Variants in LRRC74B observed in about 807,000 individuals in gnomAD.
The protein encoded by LRRC74B is leucine-rich repeat-containing protein 74B.
Under a neutral mutation model 16.6 loss-of-function variants are expected in LRRC74B, and 30 were observed. The observed-to-expected ratio is 1.80, with a 90% CI of 1.35 to 2.45. The LOEUF is 2.45. LRRC74B is among the 30% of genes most tolerant of loss of function. The pLI is 0.00. For synonymous variants in LRRC74B, 134 were observed against 86.0 expected, an observed-to-expected ratio of 1.56 and a Z score of -3.09; for missense variants, 326 against 202.4, an observed-to-expected ratio of 1.61 and a Z score of -3.71.
In LRRC74B at chr22:21,048,710, A is replaced by T. The variant is rs1171843696; in HGVS notation, c.416-241A>T. 5.5e-6 allele frequency: 3 copies of T among 545,296 alleles called. No homozygotes were observed. The Admixed American group carries it at 9.4e-5, about 17-fold the overall frequency. The allele number at this position is 545,296 out of a possible 1,614,324, so 33.8% of individuals were successfully genotyped here. On this transcript the variant is annotated intron_variant, in intron 3 of 8. Coordinates refer to ENST00000442047, the Ensembl canonical transcript of LRRC74B. ...GCTGCCCCCCACCACAGCAGTCTCT[A>T]CAGTACCAGGAGGTAGGCGGTTTTA...
In LRRC74B at chr22:21,051,934, C is replaced by T. The variant is rs1930094161; in HGVS notation, c.623-315C>T. The stretch of plus-strand genomic sequence containing the variant: ...CTGTGTCTCCTCCCCACTGTGCATG[C>T]ACACACCCCTGGGGAATTCCTCAGT... On this transcript the variant is annotated intron_variant, in intron 4 of 8. Coordinates refer to ENST00000442047, the Ensembl canonical transcript of LRRC74B. Among the ~76,000 whole-genome samples, 8 of 152,330 alleles carry T rather than the reference C, an allele frequency of 5.3e-5. No homozygotes were observed. In the South Asian group the frequency reaches 1.7e-3, roughly 32 times the overall value.
At chr22:21,060,226 A>G in intron 8 of LRRC74B, 147 bp from the exon 9 acceptor site, 1 of 595,836 alleles carries the variant, frequency 1.7e-6, no homozygotes, top group Non-Finnish European at 3.1e-6. Flanking sequence ...TCTCTCCTGG[A>G]TCTTACTAGT....
intron 3 of LRRC74B, chr22:21,048,266 C>T: frequency 4.0e-6 from 2 of 495,576 alleles, no homozygotes; most frequent in Non-Finnish European, 3.7e-6. Context: ...GCCAGCATCC[C>T]CCTCTTCACC....
chr22:21,060,930 A>G (rs1267692226), downstream of LRRC74B, among the ~76,000 whole-genome samples: 1 of 152,158 alleles, frequency 6.6e-6, no homozygotes, highest in East Asian at 1.9e-4. Flanking sequence ...GCAGTTTATC[A>G]TCATGCACTG....
At chr22:21,048,302 T>C in intron 3 of LRRC74B, 1 of 425,286 alleles carries the variant, frequency 2.4e-6, no homozygotes, top group Non-Finnish European at 4.4e-6. Flanking sequence ...TCCCAGTACC[T>C]GAATGCAGGA....
At chr22:21,053,734 C>G (rs759742801) in intron 6 of LRRC74B, 1 of 288,984 alleles carries the variant, frequency 3.5e-6, no homozygotes, top group Non-Finnish European at 6.4e-6. Flanking sequence ...AGCAATCCCA[C>G]CACCTCAGCC....
At chr22:21,045,989 G>A in exon 1 of LRRC74B, 2 of 717,514 alleles carry the variant, frequency 2.8e-6, no homozygotes, top group East Asian at 2.7e-5. Flanking sequence ...TCGTAACCAT[G>A]AGGGGTTCCT....
At chr22:21,046,065 G>C (rs1929392032) in exon 1 of LRRC74B, 1 of 717,444 alleles carries the variant, frequency 1.4e-6, no homozygotes, top group South Asian at 1.5e-5. Flanking sequence ...GCGTCTTTCA[G>C]GGGTCCCCGA....
intron 1 of LRRC74B, among the ~76,000 whole-genome samples, chr22:21,047,145 T>A (rs1398806866): frequency 6.6e-6 from 1 of 152,116 alleles, no homozygotes; most frequent in Non-Finnish European, 1.5e-5. Context: ...TTGTCCAGCT[T>A]TCTTTTGATA....
intron 7 of LRRC74B, 67 bp from the exon 8 acceptor site, chr22:21,057,038 C>A: frequency 1.4e-6 from 1 of 705,192 alleles, no homozygotes; most frequent in Non-Finnish European, 2.6e-6. Context: ...GCCCCTCCTT[C>A]CCTTTCACAT....
At position 21,055,178 on chromosome 22, in the gene LRRC74B, T is replaced by G. The variant is rs1196221093; in HGVS notation, c.927+2T>G. On this transcript the variant is annotated splice_donor_variant, in intron 7 of 8. Coordinates refer to ENST00000442047, the Ensembl canonical transcript of LRRC74B. LOFTEE classifies it high-confidence loss of function. ...AACCAGACGCTGAGGATTCTTGTAG[T>G]GAGTGCTAGCCTGATGACTGAGACA... 1 of 715,620 alleles carries G rather than the reference T, an allele frequency of 1.4e-6. No homozygotes were observed. Among genetic ancestry groups the G allele is most frequent in the Non-Finnish European group, 2.6e-6 (1 of 385,002 alleles). 44.3% of individuals were successfully genotyped at this position (715,620 alleles called of 1,614,324 possible).
chr22:21,051,151 TAAC>T (rs1196059755), intron 4 of LRRC74B, among the ~76,000 whole-genome samples: 3 of 152,046 alleles, frequency 2.0e-5, no homozygotes, highest in South Asian at 2.1e-4. Flanking sequence ...GACCGTGTCT[TAAC>T]AACAACAAAA....
downstream of LRRC74B, chr22:21,063,548 TAA>T (rs11320458): frequency 1.2e-3 from 173 of 146,876 alleles, no homozygotes; most frequent in Non-Finnish European, 1.1e-3. Context: ...CTCAAAAACT[TAA>T]AAAAAAAAAA....
intron 8 of LRRC74B, 118 bp downstream of exon 8, chr22:21,057,318 G>A (rs911671655): frequency 6.2e-5 from 39 of 627,456 alleles, no homozygotes; most frequent in Admixed American, 4.2e-4. Flanking sequence ...GTTACACAGC[G>A]TGGCAGAAGC....
Position 21,053,291 on chromosome 22 carries a change from G to C in LRRC74B, c.733-69G>C. 3 of 689,716 alleles carry C rather than the reference G, an allele frequency of 4.3e-6. No homozygotes were observed. The South Asian group carries it at 4.8e-5, about 11-fold the overall frequency. The allele number at this position is 689,716 out of a possible 1,614,324, so 42.7% of individuals were successfully genotyped here. On this transcript the variant is annotated intron_variant, in intron 5 of 8. Transcript: ENST00000442047. ...TTGCACCTCAGGGCTCCTGGTCTCT[G>C]AGGCTGTGGCACCCTGGCTTGCTCC...
exon 8 of LRRC74B, chr22:21,057,126 A>T (rs1930581163): frequency 2.8e-6 from 2 of 717,460 alleles, no homozygotes; most frequent in East Asian, 5.4e-5. Flanking sequence ...TCCCATGCGA[A>T]GTGAAGGCTG....
chr22:21,051,145 G>T, intron 4 of LRRC74B, among the ~76,000 whole-genome samples: 1 of 152,174 alleles, frequency 6.6e-6, no homozygotes, highest in East Asian at 1.9e-4. Flanking sequence ...GGGTGAGACC[G>T]TGTCTTAACA....
intron 6 of LRRC74B, among the ~76,000 whole-genome samples, chr22:21,054,510 T>G (rs964096829): frequency 6.6e-6 from 1 of 152,198 alleles, no homozygotes; most frequent in Non-Finnish European, 1.5e-5. Flanking sequence ...TGGGCTGCTG[T>G]GGCTGAGACC....
intron 7 of LRRC74B, chr22:21,056,596 G>GTACACACACACACA: frequency 7.1e-6 from 1 of 140,304 alleles, no homozygotes; most frequent in African/African-American, 2.7e-5. Context: ...CAAGCTTGGA[G>GTACACACACACACA]CACACACACA....
Sources: allele counts gnomAD v4.1 joint callset (sites outside exome capture counted in the v4.1 genomes callset), GRCh38; gene constraint gnomAD v4.1.1; transcripts MANE v1.5; gene names NCBI Gene and HGNC (gene_info 2026-07-23, HGNC 2026-07-21).